ENTREP2: variants seen among roughly 807,000 people sequenced by gnomAD.
ENTREP2 encodes protein ENTREP2.
the ENTREP2 span, among the ~76,000 whole-genome samples, chr15:29,648,044 C>T: frequency 6.6e-6 from 1 of 152,294 alleles, no homozygotes; most frequent in Non-Finnish European, 1.5e-5. Context: ...GACCTTGTCA[C>T]TTTGAAATCT....
the ENTREP2 span, among the ~76,000 whole-genome samples, chr15:29,398,880 G>A: frequency 6.6e-6 from 1 of 152,156 alleles, no homozygotes; most frequent in Non-Finnish European, 1.5e-5. Flanking sequence ...TATGTGATTA[G>A]GTTACGCTGC....
At chr15:29,652,819 C>T in the ENTREP2 span, among the ~76,000 whole-genome samples, 446 of 152,324 alleles carry the variant, frequency 2.9e-3, 3 homozygotes, top group African/African-American at 0.01. Flanking sequence ...TGCCACTCCA[C>T]GCCTGGCTCA....
At chr15:29,632,218 C>A in the ENTREP2 span, among the ~76,000 whole-genome samples, 1 of 152,146 alleles carries the variant, frequency 6.6e-6, no homozygotes, top group Non-Finnish European at 1.5e-5. Flanking sequence ...AGTTCTCGAA[C>A]CAGGCTGCCT....
chr15:29,478,021 T>TATATA, the ENTREP2 span, among the ~76,000 whole-genome samples: 3 of 92,484 alleles, frequency 3.2e-5, no homozygotes, highest in South Asian at 4.1e-4. Flanking sequence ...ATATATATAT[T>TATATA]TTTTTTTTTT....
At chr15:29,463,915 T>A in the ENTREP2 span, among the ~76,000 whole-genome samples, 1 of 152,148 alleles carries the variant, frequency 6.6e-6, no homozygotes, top group Admixed American at 6.5e-5. Context: ...CCAACACGGA[T>A]AAACCTTGAG....
chr15:29,175,636 A>G, the ENTREP2 span, among the ~76,000 whole-genome samples: 10,813 of 152,098 alleles, frequency 0.071, 1,313 homozygotes, highest in African/African-American at 0.25. Context: ...ACGGAGTCTC[A>G]CTCTGTCACC....
the ENTREP2 span, among the ~76,000 whole-genome samples, chr15:29,293,503 G>A: frequency 1.5e-4 from 23 of 151,678 alleles, no homozygotes; most frequent in Admixed American, 9.2e-4. Context: ...TGATCCGCCC[G>A]CCTTGGCCTC....
chr15:29,303,099 C>T, the ENTREP2 span, among the ~76,000 whole-genome samples: 101 of 152,234 alleles, frequency 6.6e-4, no homozygotes, highest in Non-Finnish European at 1.3e-3. Flanking sequence ...TAAGATACTT[C>T]GGAGCCCACA....
At chr15:29,258,662 A>T in the ENTREP2 span, among the ~76,000 whole-genome samples, 2 of 152,124 alleles carry the variant, frequency 1.3e-5, no homozygotes, top group East Asian at 1.9e-4. Flanking sequence ...TTGTGGAATG[A>T]TCATCACTAT....
chr15:29,477,993 C>CTATA, the ENTREP2 span, among the ~76,000 whole-genome samples: 366 of 86,056 alleles, frequency 4.3e-3, 4 homozygotes, highest in Middle Eastern at 9.4e-3. Context: ...TTAAATTTAA[C>CTATA]TATATATATA....
chr15:29,577,028 C>T, the ENTREP2 span, among the ~76,000 whole-genome samples: 1 of 151,740 alleles, frequency 6.6e-6, no homozygotes, highest in African/African-American at 2.4e-5. Flanking sequence ...AGGATGGTCT[C>T]GATCTCCTGA....
chr15:29,654,801 A>G, the ENTREP2 span, among the ~76,000 whole-genome samples: 1 of 152,230 alleles, frequency 6.6e-6, no homozygotes, highest in African/African-American at 2.4e-5. Context: ...CTAGCAGAGC[A>G]AGGTGATATT....
At chr15:29,205,199 T>C in the ENTREP2 span, among the ~76,000 whole-genome samples, 1 of 152,356 alleles carries the variant, frequency 6.6e-6, no homozygotes, top group African/African-American at 2.4e-5. Context: ...GCATCTACCA[T>C]ATTTTCTTGA....
At chr15:29,332,138 C>T in the ENTREP2 span, among the ~76,000 whole-genome samples, 11 of 152,136 alleles carry the variant, frequency 7.2e-5, no homozygotes, top group Non-Finnish European at 1.3e-4. Context: ...ATAAAATTTA[C>T]ACTAGTACCA....
chr15:29,225,859 A>G, the ENTREP2 span, among the ~76,000 whole-genome samples: 1 of 152,176 alleles, frequency 6.6e-6, no homozygotes, highest in Non-Finnish European at 1.5e-5. Flanking sequence ...CTCGGCTTGC[A>G]GGCCAGGTGC....
At chr15:29,408,041 A>G in the ENTREP2 span, among the ~76,000 whole-genome samples, 1 of 152,048 alleles carries the variant, frequency 6.6e-6, no homozygotes, top group African/African-American at 2.4e-5. Context: ...CAGTAGGTGA[A>G]ATCTGAGGGA....
the ENTREP2 span, among the ~76,000 whole-genome samples, chr15:29,665,917 G>A: frequency 2.0e-5 from 3 of 148,414 alleles, no homozygotes; most frequent in African/African-American, 7.5e-5. Context: ...GCAGTGGTGC[G>A]ATCTTGGCTC....
chr15:29,670,238 G>C, the ENTREP2 span, among the ~76,000 whole-genome samples: 11 of 152,146 alleles, frequency 7.2e-5, no homozygotes, highest in Non-Finnish European at 1.6e-4. Context: ...AGACAGGGGA[G>C]AGGGAAGGTA....
chr15:29,234,201 G>A, the ENTREP2 span: 10 of 1,607,418 alleles, frequency 6.2e-6, no homozygotes, highest in East Asian at 2.2e-5. Flanking sequence ...CAATCACCAC[G>A]AAGGCTCAAA....
Sources: allele counts gnomAD v4.1 joint callset (sites outside exome capture counted in the v4.1 genomes callset), GRCh38; gene constraint gnomAD v4.1.1; transcripts MANE v1.5; gene names NCBI Gene and HGNC (gene_info 2026-07-23, HGNC 2026-07-21).